Variants in TBCCD1 observed in about 807,000 individuals in gnomAD.
TBCCD1 encodes the protein TBCC domain-containing protein 1.
TBCCD1 carries 26 observed loss-of-function variants against 53.4 expected under a neutral mutation model. The observed-to-expected ratio is 0.49, with a 90% CI of 0.36 to 0.68. The LOEUF is 0.68. Among genes scored for constraint, TBCCD1 ranks in the 30% least tolerant of loss-of-function variants. TBCCD1 has a pLI of 0.00. For missense variants in TBCCD1, 558 were observed against 669.5 expected, an observed-to-expected ratio of 0.83 and a Z score of 1.84; for synonymous variants, 245 against 241.7, an observed-to-expected ratio of 1.01 and a Z score of -0.13.
Position 186,551,919 on chromosome 3 carries a change from G to A in TBCCD1, c.1545-640C>T, listed in dbSNP as rs151282505. ...TTGAACCCAGGAGGTGGAGGCTGCA[G>A]TAAGCTAAGATCACACCACTGCACT... On this transcript the variant is annotated intron_variant, in intron 6 of 7. Coordinates refer to ENST00000338733, the MANE Select transcript of TBCCD1 (RefSeq NM_018138.5). 8.1e-3 allele frequency among the ~76,000 whole-genome samples: 1,234 copies of A among 152,300 alleles called. 21 individuals are homozygous for A. The highest frequency in any genetic ancestry group is 0.028 in the African/African-American group (1,148 of 41,544).
At chr3:186,555,190 C>A (rs1714502379) in intron 4 of TBCCD1, 106 bp from the exon 5 acceptor site, 7 of 1,082,346 alleles carry the variant, frequency 6.5e-6, no homozygotes, top group African/African-American at 1.6e-5. Context: ...AAATTAGATA[C>A]CACATGTAGG....
chr3:186,568,915 G>A (rs116753324), upstream of TBCCD1, among the ~76,000 whole-genome samples: 13,423 of 135,080 alleles, frequency 0.099, 1,119 homozygotes, highest in African/African-American at 0.22. Flanking sequence ...GAAAAAAAAA[G>A]AAATAAAGAA....
At chr3:186,567,905 T>TG (rs1466092221), upstream of TBCCD1, among the ~76,000 whole-genome samples, 4 of 152,222 alleles carry the variant, frequency 2.6e-5, no homozygotes, top group African/African-American at 9.6e-5. Flanking sequence ...TTTCCTGCCG[T>TG]GTTTCCACCT....
intron 7 of TBCCD1, 47 bp downstream of exon 7, chr3:186,551,082 G>A: frequency 6.4e-7 from 1 of 1,560,506 alleles, no homozygotes; most frequent in Non-Finnish European, 8.6e-7. Flanking sequence ...TTTTATGCTT[G>A]AAAGATTTCC....
chr3:186,556,646 C>T lies in TBCCD1; in HGVS notation c.622G>A (p.Ala208Thr), dbSNP rs749919474. ...ATAAGGAAGCTGAGCGCCACAACAG[C>T]TTCTCGAGACACTAGACTACTATGG... ...STHSSLVSRE[A>T]VVALSFLIEG... The change falls in exon 4 of 8, where the codon GCT becomes ACT. Residue 208 changes from alanine to threonine, a missense_variant. Transcript: ENST00000338733. 1.2e-6 allele frequency: 2 copies of T among 1,614,172 alleles called. No individual in the cohort carries two copies. The highest frequency in any genetic ancestry group is 1.7e-5 in the Admixed American group (1 of 60,018).
chr3:186,555,124 A>G (rs777213842), intron 4 of TBCCD1, 40 bp from the exon 5 acceptor site: 4 of 1,546,990 alleles, frequency 2.6e-6, no homozygotes, highest in Non-Finnish European at 3.5e-6. Flanking sequence ...GCAGTATCAA[A>G]TCAAAGAAAA....
upstream of TBCCD1, chr3:186,567,349 T>G (rs972855911): frequency 6.6e-6 from 1 of 152,174 alleles, no homozygotes; most frequent in African/African-American, 2.4e-5. Context: ...CCCCTCACCC[T>G]CCTCCGCGCG....
chr3:186,563,378 A>T (rs1246340579), intron 2 of TBCCD1, among the ~76,000 whole-genome samples: 1 of 152,142 alleles, frequency 6.6e-6, no homozygotes, highest in African/African-American at 2.4e-5. Flanking sequence ...CACACTATTA[A>T]ATAGCATCTT....
In TBCCD1 at chr3:186,558,513, G is replaced by T. The variant is rs1196660175; in HGVS notation, c.396C>A (p.Val132=). ...LFLYIQQLNK[V]SLRTSLIGEE... ...CGCCAATCAAAGATGTCCTTAGGGA[G>T]ACCTTGTTCAACTGTTGAATGTATA... The change falls in exon 3 of 8, where the codon GTC becomes GTA. Residue 132 remains valine, a synonymous_variant. Coordinates refer to ENST00000338733, the MANE Select transcript of TBCCD1 (RefSeq NM_018138.5). 3 of 1,614,166 alleles carry T rather than the reference G, an allele frequency of 1.9e-6. No homozygotes were observed. Among genetic ancestry groups the T allele is most frequent in the Non-Finnish European group, 2.5e-6 (3 of 1,180,014 alleles).
At position 186,556,406 on chromosome 3, in the gene TBCCD1, T is replaced by C. The variant is rs1247714088; in HGVS notation, c.859+3A>G. On this transcript the variant is annotated splice_donor_region_variant and intron_variant, in intron 4 of 7. Coordinates refer to ENST00000338733, the MANE Select transcript of TBCCD1 (RefSeq NM_018138.5). ...TAATGTAGATTAAAATATTAAAAAA[T>C]ACCTTGATGAGCCCAAGCCAATTTC... The C allele has an allele frequency of 6.3e-7, 1 of 1,577,622 alleles. No homozygotes were observed. The highest frequency in any genetic ancestry group is 2.2e-5 in the Admixed American group (1 of 46,504).
At chr3:186,560,332 C>G (rs1028926818) in intron 2 of TBCCD1, among the ~76,000 whole-genome samples, 1 of 152,170 alleles carries the variant, frequency 6.6e-6, no homozygotes, top group Non-Finnish European at 1.5e-5. Flanking sequence ...CCCTTTCCCT[C>G]TTCATTGCTT....
rs760605238 is a variant in TBCCD1, at chr3:186,555,062, A to G, written c.882T>C (p.Ala294=). Residue 294 remains alanine, a synonymous_variant, in exon 5 of 8, where the codon GCT becomes GCC. Transcript: ENST00000338733. ...AHQVEGTTKR[A]KIACNTHVAP... ...CCACATGAGTATTACAAGCAATCTT[A>G]GCTCTTTTGGTGGTCCCTTCAACTA... 1.2e-6 allele frequency: 2 copies of G among 1,605,992 alleles called. No individual in the cohort carries two copies. Among genetic ancestry groups the G allele is most frequent in the Non-Finnish European group, 1.7e-6 (2 of 1,176,904 alleles).
At chr3:186,565,443 T>C (rs80179852) in intron 1 of TBCCD1, among the ~76,000 whole-genome samples, 8,370 of 152,250 alleles carry the variant, frequency 0.055, 796 homozygotes, top group African/African-American at 0.19. Context: ...AATTAGATGT[T>C]AGTTTTTGAA....
At chr3:186,552,997 G>A (rs1714423372) in intron 6 of TBCCD1, among the ~76,000 whole-genome samples, 1 of 152,188 alleles carries the variant, frequency 6.6e-6, no homozygotes, top group Admixed American at 6.5e-5. Flanking sequence ...GAAGTATGAT[G>A]GGAGGCCATT....
rs1188400820 is a variant in TBCCD1 at position 186,556,286 on chromosome 3, C to T, written c.859+123G>A. The T allele has an allele frequency of 7.1e-6, 8 of 1,121,308 alleles. No homozygotes were observed. The African/African-American group carries it at 1.2e-4, about 16-fold the overall frequency. The allele number at this position is 1,121,308 out of a possible 1,614,324, so 69.5% of individuals were successfully genotyped here. A position where few individuals can be genotyped will look rare whatever the true frequency, so the allele number is the denominator to read the frequency against. On this transcript the variant is annotated intron_variant, in intron 4 of 7. Transcript: ENST00000338733. ...ACAAAAGACAGATGTTCCTTTTTCT[C>T]TTTTATAGGAGCAGTATTTTTTAGG...
At chr3:186,561,055 T>C (rs1000599547) in intron 2 of TBCCD1, among the ~76,000 whole-genome samples, 7 of 152,152 alleles carry the variant, frequency 4.6e-5, no homozygotes, top group African/African-American at 1.7e-4. Flanking sequence ...TTGACATTGG[T>C]CTTGGTAATG....
upstream of TBCCD1, chr3:186,570,027 T>C (rs561025616): frequency 3.0e-4 from 184 of 605,218 alleles, 1 homozygote; most frequent in East Asian, 5.1e-3. Context: ...TTCACAGAAC[T>C]GCCAATAAGT....
At chr3:186,569,958 T>C (rs1714965238), upstream of TBCCD1, 1 of 570,712 alleles carries the variant, frequency 1.8e-6, no homozygotes, top group Non-Finnish European at 3.2e-6. Context: ...ATAATGGTTT[T>C]TACTCGTTGC....
chr3:186,558,486 T>C lies in TBCCD1; in HGVS notation c.423A>G (p.Glu141=). The C allele has an allele frequency of 6.2e-7, 1 of 1,614,194 alleles. No homozygotes were observed. Among genetic ancestry groups the C allele is most frequent in the Non-Finnish European group, 8.5e-7 (1 of 1,180,030 alleles). The change falls in exon 3 of 8, where the codon GAA becomes GAG. Residue 141 remains glutamate, a synonymous_variant. Transcript: ENST00000338733. ...ATTTGTTTCTGGGACTGGGCCACTC[T>C]TCGCCAATCAAAGATGTCCTTAGGG... ...KVSLRTSLIG[E]EWPSPRNKSQ...
Sources: gnomAD v4.1 joint callset for allele counts (sites outside exome capture counted in the v4.1 genomes callset) on GRCh38, gnomAD v4.1.1 for gene constraint, MANE v1.5 for transcripts, NCBI Gene and HGNC (gene_info 2026-07-23, HGNC 2026-07-21) for gene names.